The following NOXA1 variants were observed in gnomAD, a reference collection of about 807,000 sequenced individuals.
NOXA1 encodes the protein NCF2-like protein.
In NOXA1, 56 loss-of-function variants were observed where a neutral mutation model predicts 64.8. That is an observed-to-expected ratio of 0.86 (90% CI 0.70 to 1.08). The LOEUF (loss-of-function observed/expected upper bound fraction) is 1.08. NOXA1 is among the 50% of genes least tolerant of loss of function. NOXA1 has a pLI of 0.00. For synonymous variants in NOXA1, 295 were observed against 294.8 expected, an observed-to-expected ratio of 1.00 and a Z score of -0.01; for missense variants, 668 against 658.5, an observed-to-expected ratio of 1.01 and a Z score of -0.16.
chr9:137,429,215 C>T (rs971432466), intron 4 of NOXA1, 61 bp from the exon 5 acceptor site: 1 of 1,386,524 alleles, frequency 7.2e-7, no homozygotes, highest in Non-Finnish European at 9.7e-7. Flanking sequence ...CACAGGGGCT[C>T]TGCGGCTGCA....
At chr9:137,429,084 T>C (rs919593183) in intron 4 of NOXA1, 68 bp downstream of exon 4, 4 of 1,456,268 alleles carry the variant, frequency 2.7e-6, no homozygotes, top group Admixed American at 2.7e-5. Flanking sequence ...ACCAATTTCA[T>C]GAGATGAAGA....
intron 1 of NOXA1, among the ~76,000 whole-genome samples, chr9:137,425,899 A>T (rs569491386): frequency 6.6e-6 from 1 of 151,906 alleles, no homozygotes; most frequent in Non-Finnish European, 1.5e-5. Context: ...TTTTTAAAAG[A>T]CAAAAATCTT....
Position 137,423,585 on chromosome 9 carries a change from A to G in NOXA1, c.56A>G (p.Asp19Gly), listed in dbSNP as rs747252789. The change falls in exon 1 of 14, where the codon GAT (aspartate) becomes GGT (glycine). Residue 19 changes from aspartate to glycine, a missense_variant. Transcript: ENST00000683555. The part of the protein sequence containing the change: ...RAWHLGAQAV[D>G]RGDWARALHL... ...TGGCACCTGGGCGCGCAGGCTGTGG[A>G]TCGTGGGGACTGGGCCCGCGCCTTG... 8.1e-6 allele frequency: 12 copies of G among 1,481,792 alleles called. No individual in the cohort carries two copies. In the East Asian group the frequency reaches 3.4e-4, roughly 42 times the overall value. The allele number at this position is 1,481,792 out of a possible 1,614,324, so 91.8% of individuals were successfully genotyped here. A position where few individuals can be genotyped will look rare whatever the true frequency, so the allele number is the denominator to read the frequency against.
chr9:137,423,682 C>A lies in NOXA1; in HGVS notation c.153C>A (p.Ala51=). 1.5e-6 allele frequency: 2 copies of A among 1,356,204 alleles called. No individual in the cohort carries two copies. The highest frequency in any genetic ancestry group is 1.7e-5 in the South Asian group (1 of 58,482). 84.0% of individuals were successfully genotyped at this position (1,356,204 alleles called of 1,614,324 possible). ...CFNAGCVHLL[A]GDPEAALRAF... Reference sequence around the variant, plus strand: ...ACGCGGGCTGCGTGCACCTGCTGGCCGGGGACCCCGAGGCCGCGCTGCGGG... The same window carrying A: ...ACGCGGGCTGCGTGCACCTGCTGGCAGGGGACCCCGAGGCCGCGCTGCGGG... The change falls in exon 1 of 14, where the codon GCC becomes GCA. Residue 51 remains alanine (A), a synonymous_variant. Coordinates refer to ENST00000683555, the MANE Select transcript of NOXA1 (RefSeq NM_001256067.2).
chr9:137,423,598 G>T lies in NOXA1; in HGVS notation c.69G>T (p.Trp23Cys). ...LGAQAVDRGD[W>C]ARALHLFSGV... is the part of the protein sequence containing the mutation. ...CGCAGGCTGTGGATCGTGGGGACTG[G>T]GCCCGCGCCTTGCACCTCTTCTCGG... Residue 23 changes from tryptophan (W) to cysteine (C), a missense_variant, in exon 1 of 14, where the codon TGG becomes TGT. Transcript: ENST00000683555. 1 of 1,479,952 alleles carries T rather than the reference G, an allele frequency of 6.8e-7. No homozygotes were observed. Among genetic ancestry groups the T allele is most frequent in the Non-Finnish European group, 9.0e-7 (1 of 1,116,230 alleles). 91.7% of individuals were successfully genotyped at this position (1,479,952 alleles called of 1,614,324 possible).
chr9:137,429,354 G>A lies in NOXA1; in HGVS notation c.583G>A (p.Glu195Lys). The A allele has an allele frequency of 6.3e-7, 1 of 1,583,846 alleles. No individual in the cohort carries two copies. Among genetic ancestry groups the A allele is most frequent in the South Asian group, 1.2e-5 (1 of 86,416 alleles). ...CCACCGGTGGCACCTGAAGCACTTG[G>A]AGCCCGTGGATTTCCTGGGCAAGGC... ...RPHRWHLKHL[E>K]PVDFLGKAKV... The change falls in exon 5 of 14, where the codon GAG becomes AAG. Residue 195 changes from glutamate to lysine, a missense_variant. Coordinates refer to ENST00000683555, the MANE Select transcript of NOXA1 (RefSeq NM_001256067.2).
rs749578256 is a variant in NOXA1 at position 137,430,778 on chromosome 9, C to A, written c.613-6C>A. On this transcript the variant is annotated splice_polypyrimidine_tract_variant and splice_region_variant and intron_variant, in intron 5 of 13. Transcript: ENST00000683555. ...CCTGACCCAGCGTCCCCACTGTCCC[C>A]GCCAGGTGGTGGCCTCTGCCATCCC... The A allele has an allele frequency of 6.3e-7, 1 of 1,593,296 alleles. No homozygotes were observed. The highest frequency in any genetic ancestry group is 2.2e-5 in the East Asian group (1 of 44,730).
intron 1 of NOXA1, among the ~76,000 whole-genome samples, 175 bp from the exon 2 acceptor site, chr9:137,426,073 C>T (rs1367334650): frequency 6.6e-6 from 1 of 152,088 alleles, no homozygotes; most frequent in Non-Finnish European, 1.5e-5. Flanking sequence ...ACCTGAGTGG[C>T]GACAGCCCTG....
Position 137,433,281 on chromosome 9 carries a change from C to T in NOXA1, c.909+18C>T. The T allele has an allele frequency of 3.2e-6, 5 of 1,550,862 alleles. No homozygotes were observed. The highest frequency in any genetic ancestry group is 4.3e-6 in the Non-Finnish European group (5 of 1,149,946). On this transcript the variant is annotated intron_variant, in intron 10 of 13. Coordinates refer to ENST00000683555, the MANE Select transcript of NOXA1 (RefSeq NM_001256067.2). The stretch of plus-strand genomic sequence containing the variant: ...GTGCTGGGGTAAGAGGCTCTAGACC[C>T]TTCACCTGTCAGTCACCTGAGGGAG...
Sources: gnomAD v4.1 joint callset for allele counts (sites outside exome capture counted in the v4.1 genomes callset) on GRCh38, gnomAD v4.1.1 for gene constraint, MANE v1.5 for transcripts, NCBI Gene and HGNC (gene_info 2026-07-23, HGNC 2026-07-21) for gene names.